PITPNC1: variants seen among roughly 807,000 people sequenced by gnomAD.
PITPNC1 encodes phosphatidylinositol transfer protein cytoplasmic 1.
A neutral mutation model predicts 44.7 loss-of-function variants in PITPNC1; 18 were observed. The ratio of observed to expected loss-of-function variants is 0.40; its 90% CI spans 0.28 to 0.60. The LOEUF (loss-of-function observed/expected upper bound fraction) is 0.60, where lower values mean the gene tolerates loss of function less well. PITPNC1 is among the 20% of genes least tolerant of loss of function. The pLI, the probability that PITPNC1 is intolerant of heterozygous loss-of-function variation, is 0.39. For synonymous variants in PITPNC1, 141 were observed against 149.6 expected (o/e 0.94, Z 0.42); for missense variants, 290 against 418.4 (o/e 0.69, Z 2.68).
At chr17:67,516,049 A>C (rs1232923226) in intron 1 of PITPNC1, among the ~76,000 whole-genome samples, 2 of 152,140 alleles carry the variant, frequency 1.3e-5, no homozygotes, top group African/African-American at 4.8e-5. Context: ...TGAGGATCTC[A>C]GGCTCTTGGC....
intron 1 of PITPNC1, among the ~76,000 whole-genome samples, chr17:67,421,776 C>T (rs1190070776): frequency 1.3e-5 from 2 of 152,094 alleles, no homozygotes; most frequent in African/African-American, 4.8e-5. Flanking sequence ...AGTTTCCTTA[C>T]CTCCTAGAAA....
intron 1 of PITPNC1, among the ~76,000 whole-genome samples, chr17:67,399,851 C>T (rs974945889): frequency 6.6e-6 from 1 of 152,178 alleles, no homozygotes; most frequent in African/African-American, 2.4e-5. Flanking sequence ...TGGTGCAATA[C>T]TGTGGAAGAG....
At position 67,640,728 on chromosome 17, in the gene PITPNC1, A is replaced by G. The variant is rs559891702; in HGVS notation, c.462+8490A>G. ...AAAGAGGCCGGGCACAGTGGCTCAC[A>G]CCTGTAATCCTAGCACTTTGGGAGG... On this transcript the variant is annotated intron_variant, in intron 6 of 8. Transcript: ENST00000581322. 4.7e-5 allele frequency among the ~76,000 whole-genome samples: 7 copies of G among 149,840 alleles called. No individual in the cohort carries two copies. The South Asian group carries it at 1.1e-3, about 23-fold the overall frequency.
chr17:67,660,690 C>A (rs190772417), intron 6 of PITPNC1, among the ~76,000 whole-genome samples: 234 of 151,874 alleles, frequency 1.5e-3, no homozygotes, highest in Middle Eastern at 0.014. Context: ...GGATTACAGG[C>A]ACATGCCACC....
At chr17:67,436,094 G>A (rs577079475) in intron 1 of PITPNC1, among the ~76,000 whole-genome samples, 1 of 150,486 alleles carries the variant, frequency 6.6e-6, no homozygotes, top group African/African-American at 2.5e-5. Context: ...CTGGGCTCAA[G>A]GGATCCTCCT....
intron 1 of PITPNC1, among the ~76,000 whole-genome samples, chr17:67,472,332 TAAAAAAAAAAAAAAAA>T (rs751090662): frequency 5.3e-4 from 22 of 41,416 alleles, no homozygotes; most frequent in East Asian, 1.2e-3. Flanking sequence ...GCTGTTGAGC[TAAAAAAAAAAAAAAAA>T]AAAAAAAAAA....
chr17:67,657,849 C>A (rs140329548), intron 6 of PITPNC1, among the ~76,000 whole-genome samples: 1 of 152,330 alleles, frequency 6.6e-6, no homozygotes, highest in Admixed American at 6.5e-5. Flanking sequence ...TCAGTCCCGA[C>A]AATTCTCAAC....
chr17:67,399,424 A>G (rs1462595849), intron 1 of PITPNC1, among the ~76,000 whole-genome samples: 1 of 151,970 alleles, frequency 6.6e-6, no homozygotes, highest in Non-Finnish European at 1.5e-5. Context: ...TTGAACCACT[A>G]CTGCACTGTG....
At chr17:67,547,797 A>C (rs565883718) in intron 2 of PITPNC1, among the ~76,000 whole-genome samples, 1 of 152,326 alleles carries the variant, frequency 6.6e-6, no homozygotes, top group East Asian at 1.9e-4. Flanking sequence ...GTAAACACCC[A>C]TAACCTGAGA....
chr17:67,552,246 T>C lies in PITPNC1; in HGVS notation c.198-11T>C. On this transcript the variant is annotated splice_polypyrimidine_tract_variant and intron_variant, in intron 2 of 8. Transcript: ENST00000581322. ...AGACTCCAATTGTCTTTTTTCTTTC[T>C]TTCCTCTTAGCAAACTGCCTAGTTG... is the stretch of plus-strand genomic sequence containing the variant. 3 of 1,467,846 alleles carry C rather than the reference T, an allele frequency of 2.0e-6. No homozygotes were observed. Among genetic ancestry groups the C allele is most frequent in the Non-Finnish European group, 2.9e-6 (3 of 1,047,292 alleles). The allele number at this position is 1,467,846 out of a possible 1,614,324, so 90.9% of individuals were successfully genotyped here. A position where few individuals can be genotyped will look rare whatever the true frequency, so the allele number is the denominator to read the frequency against.
intron 1 of PITPNC1, among the ~76,000 whole-genome samples, chr17:67,397,937 C>T (rs2038244217): frequency 6.6e-6 from 1 of 152,132 alleles, no homozygotes; most frequent in East Asian, 1.9e-4. Flanking sequence ...ACTAAAAATA[C>T]AAACAATTAG....
At position 67,685,389 on chromosome 17, in the gene PITPNC1, A is replaced by G. The variant is rs543760069; in HGVS notation, c.683-7183A>G. Among the ~76,000 whole-genome samples the G allele has an allele frequency of 5.4e-4, 83 of 152,372 alleles. 1 individual carries two copies. The highest frequency in any genetic ancestry group is 9.7e-4 in the Non-Finnish European group (66 of 68,038). On this transcript the variant is annotated intron_variant, in intron 8 of 8. Transcript: ENST00000581322. Reference sequence around the variant, plus strand: ...AGACCAGGTCTGGATTTAGAGGCACACAGCATCTTGGTCCCAGACCACAGT... The same window carrying G: ...AGACCAGGTCTGGATTTAGAGGCACGCAGCATCTTGGTCCCAGACCACAGT...
chr17:67,551,615 A>G (rs544121387), intron 2 of PITPNC1, among the ~76,000 whole-genome samples: 1 of 152,302 alleles, frequency 6.6e-6, no homozygotes, highest in East Asian at 1.9e-4. Flanking sequence ...GCTTACCCTA[A>G]ATCCAGGATG....
intron 2 of PITPNC1, among the ~76,000 whole-genome samples, chr17:67,537,741 G>C (rs1036802594): frequency 6.6e-6 from 1 of 152,056 alleles, no homozygotes; most frequent in Non-Finnish European, 1.5e-5. Flanking sequence ...GGGAGGTCGA[G>C]GTGGGCGATC....
At chr17:67,389,612 T>C (rs2038106554) in intron 1 of PITPNC1, among the ~76,000 whole-genome samples, 2 of 152,168 alleles carry the variant, frequency 1.3e-5, no homozygotes, top group Non-Finnish European at 2.9e-5. Context: ...TCTGTAAGTG[T>C]ATTAAGAACC....
At chr17:67,671,560 C>A (rs2042511924) in intron 7 of PITPNC1, among the ~76,000 whole-genome samples, 1 of 152,120 alleles carries the variant, frequency 6.6e-6, no homozygotes, top group South Asian at 2.1e-4. Flanking sequence ...ACTAGACTGC[C>A]AGTCTCTTGA....
intron 6 of PITPNC1, among the ~76,000 whole-genome samples, chr17:67,652,559 G>A (rs935824783): frequency 2.0e-5 from 3 of 152,272 alleles, no homozygotes; most frequent in Middle Eastern, 3.4e-3. Flanking sequence ...GGAGAGAATC[G>A]GTAGCATCCG....
rs112155985 is a variant in PITPNC1 at position 67,540,166 on chromosome 17, T to C, written c.197+7216T>C. Among the ~76,000 whole-genome samples, 266 of 152,146 alleles carry C rather than the reference T, an allele frequency of 1.7e-3. 1 individual carries two copies. The highest frequency in any genetic ancestry group is 6.7e-3 in the South Asian group (32 of 4,812). ...TCACCCAGGCTGGAGTGCAGTGGCA[T>C]GATCTTGGCTCATTGCAATCTCTGC... On this transcript the variant is annotated intron_variant, in intron 2 of 8. Transcript: ENST00000581322.
chr17:67,538,877 GGTAA>G (rs1303101120), intron 2 of PITPNC1, among the ~76,000 whole-genome samples: 1 of 151,354 alleles, frequency 6.6e-6, no homozygotes, highest in Non-Finnish European at 1.5e-5. Context: ...CCTGCCTGGA[GGTAA>G]GTATTTCAAA....
Sources: allele counts gnomAD v4.1 joint callset (sites outside exome capture counted in the v4.1 genomes callset), GRCh38; gene constraint gnomAD v4.1.1; transcripts MANE v1.5; gene names NCBI Gene and HGNC (gene_info 2026-07-23, HGNC 2026-07-21).